The following ADCY8 variants were observed in gnomAD, a reference collection of about 807,000 sequenced individuals.
ADCY8 encodes adenylate cyclase type 8.
ADCY8 carries 51 observed loss-of-function variants against 119.7 expected under a neutral mutation model. The ratio of observed to expected loss-of-function variants is 0.43; its 90% CI spans 0.34 to 0.54. The LOEUF is 0.54. Among genes scored for constraint, ADCY8 ranks in the 20% least tolerant of loss-of-function variants. ADCY8 has a pLI of 0.03. For synonymous variants in ADCY8, 665 were observed against 651.0 expected, an observed-to-expected ratio of 1.02 and a Z score of -0.33; for missense variants, 1,383 against 1,598.8, an observed-to-expected ratio of 0.87 and a Z score of 2.30.
At chr8:130,873,823 A>T (rs566340566) in intron 8 of ADCY8, among the ~76,000 whole-genome samples, 1 of 152,048 alleles carries the variant, frequency 6.6e-6, no homozygotes, top group Admixed American at 6.6e-5. Flanking sequence ...TCATTTTTGG[A>T]TAAATTTAGT....
intron 4 of ADCY8, among the ~76,000 whole-genome samples, chr8:130,937,877 C>T (rs1820835786): frequency 6.6e-6 from 1 of 152,162 alleles, no homozygotes; most frequent in Non-Finnish European, 1.5e-5. Flanking sequence ...AGTTAATCCT[C>T]ACAACAACCC....
At chr8:130,906,158 C>T (rs755578954) in intron 6 of ADCY8, among the ~76,000 whole-genome samples, 3 of 152,142 alleles carry the variant, frequency 2.0e-5, no homozygotes, top group African/African-American at 4.8e-5. Flanking sequence ...ACAAAATATT[C>T]CCAAGATGCA....
At chr8:131,017,093 G>A (rs562376883) in intron 1 of ADCY8, among the ~76,000 whole-genome samples, 58 of 148,400 alleles carry the variant, frequency 3.9e-4, no homozygotes, top group African/African-American at 1.4e-3. Flanking sequence ...TTTTTGAGAT[G>A]GAGTCTCACT....
intron 8 of ADCY8, among the ~76,000 whole-genome samples, chr8:130,868,610 TTGCCTTACTTC>T (rs1163286575): frequency 6.6e-6 from 1 of 152,214 alleles, no homozygotes; most frequent in Non-Finnish European, 1.5e-5. Flanking sequence ...CAATGTGTAT[TTGCCTTACTTC>T]TGCCTACTCT....
In ADCY8 at chr8:131,016,303, A is replaced by T. The variant is rs79944868; in HGVS notation, c.960+23071T>A. 7.4e-4 allele frequency among the ~76,000 whole-genome samples: 112 copies of T among 152,200 alleles called. 1 individual carries two copies. In the East Asian group the frequency reaches 0.021, roughly 28 times the overall value. The stretch of plus-strand genomic sequence containing the variant: ...CTTTGGGAGGCCAAGAAAAAGGATC[A>T]CTTGAGGCCAGAATTTGAGACAAGT... On this transcript the variant is annotated intron_variant, in intron 1 of 17. Coordinates refer to ENST00000286355, the MANE Select transcript of ADCY8 (RefSeq NM_001115.3).
At chr8:130,970,872 A>G (rs1051608831) in intron 2 of ADCY8, among the ~76,000 whole-genome samples, 1 of 152,198 alleles carries the variant, frequency 6.6e-6, no homozygotes, top group Non-Finnish European at 1.5e-5. Context: ...ATGAGAAATG[A>G]CAGGGACCTG....
chr8:131,036,815 C>A (rs1473699449), intron 1 of ADCY8, among the ~76,000 whole-genome samples: 2 of 151,852 alleles, frequency 1.3e-5, no homozygotes, highest in Non-Finnish European at 2.9e-5. Flanking sequence ...ATATTTGGAG[C>A]CTAATGAAGA....
chr8:130,842,542 C>T (rs1586470082), intron 11 of ADCY8, among the ~76,000 whole-genome samples: 2 of 152,072 alleles, frequency 1.3e-5, no homozygotes, highest in South Asian at 4.2e-4. Context: ...TTCTTCTGCA[C>T]TATCTAATAT....
intron 15 of ADCY8, among the ~76,000 whole-genome samples, chr8:130,788,925 G>C (rs915338206): frequency 2.0e-5 from 3 of 152,136 alleles, no homozygotes; most frequent in Non-Finnish European, 4.4e-5. Flanking sequence ...ATATTAAAGA[G>C]TACCTATCAT....
Position 130,780,764 on chromosome 8 carries a change from C to T in ADCY8, c.3382G>A (p.Gly1128Ser), listed in dbSNP as rs1563660678. ...ASRMDSTGVS[G>S]RIQVPEETYL... Reference sequence around the variant, plus strand: ...GTCTCCTCTGGGACTTGGATCCGGCCACTAACCCCCGTGCTGTCCATTCGG... The same window carrying T: ...GTCTCCTCTGGGACTTGGATCCGGCTACTAACCCCCGTGCTGTCCATTCGG... The change falls in exon 18 of 18, where the codon GGC becomes AGC. Residue 1128 changes from glycine to serine, a missense_variant. By Grantham distance (56) the Gly-to-Ser change is moderately conservative (BLOSUM62 0). Transcript: ENST00000286355. The T allele has an allele frequency of 1.2e-6, 2 of 1,614,216 alleles. No homozygotes were observed. The highest frequency in any genetic ancestry group is 1.7e-6 in the Non-Finnish European group (2 of 1,180,034).
intron 16 of ADCY8, among the ~76,000 whole-genome samples, chr8:130,784,842 C>T (rs890554828): frequency 8.1e-6 from 1 of 123,642 alleles, no homozygotes; most frequent in Non-Finnish European, 1.8e-5. Flanking sequence ...CCCCAAGTAT[C>T]TTGGACTCAT....
intron 15 of ADCY8, among the ~76,000 whole-genome samples, chr8:130,787,037 G>A (rs982709793): frequency 2.6e-5 from 4 of 152,104 alleles, no homozygotes; most frequent in Non-Finnish European, 5.9e-5. Context: ...GCCACAGTGT[G>A]GTAAGCCAGG....
Position 130,821,409 on chromosome 8 carries a change from C to T in ADCY8, c.2687G>A (p.Gly896Glu). ...NLNHSGEDFL[G>E]TKEVSLLLMA... Reference sequence around the variant, plus strand: ...CAGTAGCAGTGATACCTCCTTGGTCCCCAGGAAATCTCTGTTGGAAGAAAA... The same window carrying T: ...CAGTAGCAGTGATACCTCCTTGGTCTCCAGGAAATCTCTGTTGGAAGAAAA... Residue 896 changes from glycine (G) to glutamate (E), a missense_variant, in exon 13 of 18, where the codon GGG (glycine) becomes GAG (glutamate). By Grantham distance (98) the Gly-to-Glu change is moderately conservative (BLOSUM62 -2). This residue lies in a region of ADCY8 where 928 missense variants were observed against 1,163.5 expected (regional missense o/e 0.80). Transcript: ENST00000286355. 1 of 1,613,004 alleles carries T rather than the reference C, an allele frequency of 6.2e-7. No homozygotes were observed. The highest frequency in any genetic ancestry group is 8.5e-7 in the Non-Finnish European group (1 of 1,179,342).
chr8:131,038,588 G>A (rs1462211953), intron 1 of ADCY8, among the ~76,000 whole-genome samples: 3 of 152,068 alleles, frequency 2.0e-5, no homozygotes, highest in Non-Finnish European at 4.4e-5. Context: ...AGAAAAAAAA[G>A]GAGGAGAAAG....
At chr8:130,895,115 G>T (rs1326756527) in intron 7 of ADCY8, among the ~76,000 whole-genome samples, 2 of 152,072 alleles carry the variant, frequency 1.3e-5, no homozygotes, top group Non-Finnish European at 2.9e-5. Context: ...CAGGGGAAAA[G>T]AATCCAGATT....
intron 17 of ADCY8, among the ~76,000 whole-genome samples, chr8:130,781,494 G>A (rs190111793): frequency 6.6e-6 from 1 of 152,276 alleles, no homozygotes; most frequent in East Asian, 1.9e-4. Flanking sequence ...ATCTTCCAGG[G>A]CTCCTTTCAC....
chr8:130,950,686 A>C (rs1254349097), intron 3 of ADCY8, among the ~76,000 whole-genome samples: 2 of 152,138 alleles, frequency 1.3e-5, no homozygotes, highest in African/African-American at 4.8e-5. Context: ...TCCATGACAT[A>C]ACCTTTCAAT....
intron 15 of ADCY8, among the ~76,000 whole-genome samples, chr8:130,792,248 AC>A (rs1405501085): frequency 6.6e-6 from 1 of 151,974 alleles, no homozygotes; most frequent in Non-Finnish European, 1.5e-5. Flanking sequence ...GTGATGCTTC[AC>A]CAGTCTCTGT....
intron 3 of ADCY8, among the ~76,000 whole-genome samples, chr8:130,945,159 G>T (rs956364491): frequency 6.6e-6 from 1 of 152,194 alleles, no homozygotes; most frequent in African/African-American, 2.4e-5. Flanking sequence ...CCAGTCAGAA[G>T]GTATCACTGA....
Sources: allele counts gnomAD v4.1 joint callset (sites outside exome capture counted in the v4.1 genomes callset), GRCh38; gene constraint gnomAD v4.1.1; regional missense constraint gnomAD v4.1.1; transcripts MANE v1.5; gene names NCBI Gene and HGNC (gene_info 2026-07-23, HGNC 2026-07-21).